Variants in DNAJC17 observed in about 807,000 individuals in gnomAD.
DNAJC17 encodes the protein dnaJ homolog subfamily C member 17.
Under a neutral mutation model 48.1 loss-of-function variants are expected in DNAJC17, and 35 were observed. That is an observed-to-expected ratio of 0.73 (90% CI 0.56 to 0.96). The LOEUF is 0.96. Ranked by LOEUF, DNAJC17 falls within the 50% of genes least tolerant of loss-of-function variation. DNAJC17 has a pLI of 0.00. For synonymous variants in DNAJC17, 117 were observed against 142.7 expected (o/e 0.82, Z 1.28); for missense variants, 355 against 377.1 (o/e 0.94, Z 0.48).
chr15:40,787,863 T>C (rs1275246046), intron 1 of DNAJC17, among the ~76,000 whole-genome samples: 15 of 152,168 alleles, frequency 9.9e-5, no homozygotes, highest in African/African-American at 2.4e-5. Flanking sequence ...AAAATAGCCA[T>C]CATTAACTTA....
At chr15:40,776,468 C>T (rs1344546889) in intron 5 of DNAJC17, 74 bp downstream of exon 5, 6 of 1,568,572 alleles carry the variant, frequency 3.8e-6, no homozygotes, top group African/African-American at 1.3e-5. Flanking sequence ...CTAGCCACGG[C>T]GACCACCAGG....
chr15:40,776,537 C>T lies in DNAJC17; in HGVS notation c.381+5G>A, dbSNP rs1889328499. 1 of 1,613,988 alleles carries T rather than the reference C, an allele frequency of 6.2e-7. No homozygotes were observed. Reference sequence around the variant, plus strand: ...GCCTTCTGGCCAGTGTGCCTGAGTGCTCACCTCTTGCTCTAGTGTCCTGGT... The same window carrying T: ...GCCTTCTGGCCAGTGTGCCTGAGTGTTCACCTCTTGCTCTAGTGTCCTGGT... On this transcript the variant is annotated splice_donor_5th_base_variant and intron_variant, in intron 5 of 10. Transcript: ENST00000220496.
At chr15:40,787,297 T>A (rs1352509806) in intron 1 of DNAJC17, among the ~76,000 whole-genome samples, 2 of 152,214 alleles carry the variant, frequency 1.3e-5, no homozygotes, top group African/African-American at 2.4e-5. Flanking sequence ...GAACAGCACC[T>A]GGCATTCAGC....
At chr15:40,802,324 C>T (rs1013968592) in intron 1 of DNAJC17, among the ~76,000 whole-genome samples, 7 of 152,080 alleles carry the variant, frequency 4.6e-5, no homozygotes, top group Non-Finnish European at 8.8e-5. Context: ...CACGTGCCAC[C>T]GCGTCTGGCT....
At chr15:40,779,063 A>G (rs1450928435) in intron 4 of DNAJC17, 160 bp downstream of exon 4, 1 of 715,922 alleles carries the variant, frequency 1.4e-6, no homozygotes, top group Admixed American at 2.0e-5. Context: ...ATTATTCCTA[A>G]GAGTGTCTTT....
chr15:40,775,089 T>C lies in DNAJC17; in HGVS notation c.542A>G (p.Lys181Arg). 1.2e-6 allele frequency: 2 copies of C among 1,614,158 alleles called. No individual in the cohort carries two copies. The highest frequency in any genetic ancestry group is 1.7e-6 in the Non-Finnish European group (2 of 1,180,004). ...GTAGCCACCTTTTGACTCATCCTCC[T>C]TCTTGCACTTCCATTTTAGCTGAAA... ...PKLKLKWKCK[K>R]EDESKGGYSK... The change falls in exon 8 of 11, where the codon AAG (lysine) becomes AGG (arginine). Residue 181 changes from lysine (K) to arginine (R), a missense_variant. Lys to Arg is a conservative substitution (Grantham distance 26, BLOSUM62 2). Transcript: ENST00000220496.
At chr15:40,789,411 T>C (rs553466379) in intron 1 of DNAJC17, among the ~76,000 whole-genome samples, 9 of 151,344 alleles carry the variant, frequency 5.9e-5, no homozygotes, top group Non-Finnish European at 1.2e-4. Context: ...ACCAGCCCAC[T>C]TGAAACCCAG....
At chr15:40,778,652 C>T (rs552914148) in intron 4 of DNAJC17, among the ~76,000 whole-genome samples, 1 of 152,312 alleles carries the variant, frequency 6.6e-6, no homozygotes, top group South Asian at 2.1e-4. Flanking sequence ...AAAATGGCTT[C>T]AGAGGCCAGG....
chr15:40,780,108 C>T, intron 1 of DNAJC17, 111 bp from the exon 2 acceptor site: 1 of 1,033,912 alleles, frequency 9.7e-7, no homozygotes, highest in Non-Finnish European at 1.5e-6. Context: ...AGAGAAGCTG[C>T]TGGCGCCCAC....
intron 1 of DNAJC17, among the ~76,000 whole-genome samples, chr15:40,786,584 A>C (rs1219326411): frequency 1.3e-5 from 2 of 152,198 alleles, no homozygotes; most frequent in Non-Finnish European, 2.9e-5. Context: ...GTGGCTTTTC[A>C]CTTGCAGCTT....
At chr15:40,790,392 G>A (rs1225693903) in intron 1 of DNAJC17, among the ~76,000 whole-genome samples, 1 of 151,998 alleles carries the variant, frequency 6.6e-6, no homozygotes, top group African/African-American at 2.4e-5. Context: ...TGGCCAACAT[G>A]GTGAAACCCC....
At chr15:40,781,615 A>T (rs964936775) in intron 1 of DNAJC17, among the ~76,000 whole-genome samples, 3 of 152,018 alleles carry the variant, frequency 2.0e-5, no homozygotes, top group Non-Finnish European at 4.4e-5. Context: ...TCTGACATAG[A>T]TCTTATTATA....
intron 6 of DNAJC17, 42 bp from the exon 7 acceptor site, chr15:40,775,638 G>A (rs1364660779): frequency 1.3e-6 from 2 of 1,592,744 alleles, no homozygotes; most frequent in Non-Finnish European, 1.7e-6. Flanking sequence ...ATATGAGGGA[G>A]TCAGAGATTC....
At chr15:40,779,714 G>A (rs1332960404) in intron 2 of DNAJC17, 111 bp from the exon 3 acceptor site, 1 of 1,277,112 alleles carries the variant, frequency 7.8e-7, no homozygotes, top group African/African-American at 1.5e-5. Flanking sequence ...TGGCAGACAA[G>A]CCGACATCAG....
intron 1 of DNAJC17, chr15:40,792,588 G>A: frequency 2.1e-6 from 2 of 943,918 alleles, no homozygotes; most frequent in Non-Finnish European, 2.5e-6. Context: ...GCCGAGGCAG[G>A]AGGACTGCTT....
chr15:40,778,992 A>G, intron 4 of DNAJC17: 1 of 560,150 alleles, frequency 1.8e-6, no homozygotes, highest in Non-Finnish European at 3.2e-6. Context: ...AGTTATGATA[A>G]TTAAAGGGAC....
chr15:40,805,375 CAAAAA>C (rs559577744), intron 1 of DNAJC17, among the ~76,000 whole-genome samples: 2 of 107,886 alleles, frequency 1.9e-5, no homozygotes, highest in Non-Finnish European at 3.5e-5. Context: ...TACTCTGTCT[CAAAAA>C]AAAAAAAAAA....
rs1442296422 is a variant in DNAJC17 at position 40,807,097 on chromosome 15, C to A, written c.78+272G>T. On this transcript the variant is annotated intron_variant, in intron 1 of 10. Coordinates refer to ENST00000220496, the MANE Select transcript of DNAJC17 (RefSeq NM_018163.3). The stretch of plus-strand genomic sequence containing the variant: ...GCGCAGAGGAGGCTAGCGTTCCTTG[C>A]TGCCTCGCCCCGCGGCCTCTAGGAG... 3.4e-5 allele frequency: 25 copies of A among 726,068 alleles called. No individual in the cohort carries two copies. The East Asian group carries it at 5.0e-4, about 14-fold the overall frequency. The allele number at this position is 726,068 out of a possible 1,614,324, so 45.0% of individuals were successfully genotyped here. A position where few individuals can be genotyped will look rare whatever the true frequency, so the allele number is the denominator to read the frequency against.
intron 1 of DNAJC17, among the ~76,000 whole-genome samples, chr15:40,796,156 T>C (rs1889936391): frequency 2.0e-5 from 3 of 152,230 alleles, no homozygotes; most frequent in Admixed American, 6.5e-5. Flanking sequence ...TGCATGTTCA[T>C]CAATCACTCA....
Sources: gnomAD v4.1 joint callset for allele counts (sites outside exome capture counted in the v4.1 genomes callset) on GRCh38, gnomAD v4.1.1 for gene constraint, MANE v1.5 for transcripts, NCBI Gene and HGNC (gene_info 2026-07-23, HGNC 2026-07-21) for gene names.